VAT1L: variants seen among roughly 807,000 people sequenced by gnomAD.
VAT1L encodes the protein putative NADPH-dependent quinone oxidoreductase VAT1L.
A neutral mutation model predicts 44.1 loss-of-function variants in VAT1L; 34 were observed. The ratio of observed to expected loss-of-function variants is 0.77; its 90% CI spans 0.59 to 1.03. VAT1L has a LOEUF of 1.03. VAT1L is among the 50% of genes least tolerant of loss of function. VAT1L has a pLI of 0.00. For synonymous variants in VAT1L, 253 were observed against 202.2 expected, an observed-to-expected ratio of 1.25 and a Z score of -2.13; for missense variants, 615 against 538.8, an observed-to-expected ratio of 1.14 and a Z score of -1.40.
chr16:77,934,186 C>T (rs974690487), intron 7 of VAT1L, among the ~76,000 whole-genome samples: 1 of 151,834 alleles, frequency 6.6e-6, no homozygotes, highest in Admixed American at 6.6e-5. Context: ...GATGTTAAAC[C>T]AACCAGATTT....
At chr16:77,951,354 T>G (rs2018040156) in intron 7 of VAT1L, among the ~76,000 whole-genome samples, 1 of 150,708 alleles carries the variant, frequency 6.6e-6, no homozygotes. Context: ...GGGACCAGCC[T>G]GGGCAATATG....
chr16:77,906,003 G>A (rs74396974), intron 7 of VAT1L, among the ~76,000 whole-genome samples: 6,270 of 152,094 alleles, frequency 0.041, 198 homozygotes, highest in Non-Finnish European at 0.058. Context: ...CCTCACCATC[G>A]CTCATGAATT....
chr16:77,861,983 A>G (rs1296780268), intron 3 of VAT1L, among the ~76,000 whole-genome samples: 1 of 152,208 alleles, frequency 6.6e-6, no homozygotes, highest in African/African-American at 2.4e-5. Context: ...TTGTCCAGGT[A>G]AAATACCTAC....
At position 77,884,709 on chromosome 16, in the gene VAT1L, G is replaced by A. The variant is rs760620873; in HGVS notation, c.984G>A (p.Ala328=). The part of the protein sequence containing the change: ...LLNLLFKQGR[A]GLIRGVVEKL... ...ATCTGCTCTTCAAACAAGGCCGGGC[G>A]GGCCTCATTCGGGGAGTGGTGGAAA... Residue 328 remains alanine, a synonymous_variant, in exon 7 of 9, where the codon GCG becomes GCA. Coordinates refer to ENST00000302536, the MANE Select transcript of VAT1L (RefSeq NM_020927.3). The surrounding 1 kb of genome is among the most constrained non-coding windows in gnomAD (Gnocchi z 4.5). 3.2e-5 allele frequency: 52 copies of A among 1,610,684 alleles called. No individual in the cohort carries two copies. Among genetic ancestry groups the A allele is most frequent in the Admixed American group, 1.3e-4 (8 of 59,620 alleles).
chr16:77,931,058 C>T (rs1257002477), intron 7 of VAT1L, among the ~76,000 whole-genome samples: 1 of 152,168 alleles, frequency 6.6e-6, no homozygotes, highest in African/African-American at 2.4e-5. Flanking sequence ...TTCAAGAGTG[C>T]ACAGCCAGTC....
chr16:77,975,207 T>TTTTTTTA (rs2018324321), intron 8 of VAT1L, among the ~76,000 whole-genome samples: 1 of 127,554 alleles, frequency 7.8e-6, no homozygotes, highest in Non-Finnish European at 1.7e-5. Flanking sequence ...TTTTTTTTTT[T>TTTTTTTA]TTTTTTTTTT....
At chr16:77,891,256 A>G (rs2017262625) in intron 7 of VAT1L, among the ~76,000 whole-genome samples, 1 of 152,092 alleles carries the variant, frequency 6.6e-6, no homozygotes, top group African/African-American at 2.4e-5. Flanking sequence ...CGGGAGGCTG[A>G]GGCAGTAGAA....
At chr16:77,912,681 T>G (rs139011329) in intron 7 of VAT1L, among the ~76,000 whole-genome samples, 1 of 152,214 alleles carries the variant, frequency 6.6e-6, no homozygotes, top group Non-Finnish European at 1.5e-5. Flanking sequence ...GTAAAGTATC[T>G]CTTGACCTCA....
At chr16:77,908,335 G>A (rs976998835) in intron 7 of VAT1L, among the ~76,000 whole-genome samples, 5 of 151,614 alleles carry the variant, frequency 3.3e-5, no homozygotes, top group African/African-American at 1.2e-4. Flanking sequence ...GGTGGTGAGT[G>A]CCTGTAATCC....
At chr16:77,876,835 G>C (rs1597078572) in intron 5 of VAT1L, among the ~76,000 whole-genome samples, 1 of 152,182 alleles carries the variant, frequency 6.6e-6, no homozygotes, top group Non-Finnish European at 1.5e-5. Flanking sequence ...CCCACAGTAG[G>C]ATGGGGAAGA....
At chr16:77,816,620 C>T (rs1451344329) in intron 1 of VAT1L, among the ~76,000 whole-genome samples, 1 of 152,136 alleles carries the variant, frequency 6.6e-6, no homozygotes, top group African/African-American at 2.4e-5. Context: ...CATAAACAGG[C>T]TCTGAGAGAA....
Position 77,914,813 on chromosome 16 carries a change from A to G in VAT1L, c.1077+30011A>G, listed in dbSNP as rs1034348173. Among the ~76,000 whole-genome samples the G allele has an allele frequency of 2.6e-5, 4 of 152,348 alleles. No individual in the cohort carries two copies. The South Asian group carries it at 6.2e-4, about 24-fold the overall frequency. ...ATATCAGTCACATATCAGATTTAAT[A>G]ACACCAGATTGATTGGGTAAAGAGT... On this transcript the variant is annotated intron_variant, in intron 7 of 8. Coordinates refer to ENST00000302536, the MANE Select transcript of VAT1L (RefSeq NM_020927.3).
At chr16:77,838,990 T>C (rs1336131418) in intron 3 of VAT1L, among the ~76,000 whole-genome samples, 1 of 152,078 alleles carries the variant, frequency 6.6e-6, no homozygotes, top group Non-Finnish European at 1.5e-5. Flanking sequence ...TCTCATCCCA[T>C]ATTCCTGAAG....
At chr16:77,853,450 T>C (rs1048918849) in intron 3 of VAT1L, among the ~76,000 whole-genome samples, 2 of 152,228 alleles carry the variant, frequency 1.3e-5, no homozygotes, top group African/African-American at 2.4e-5. Flanking sequence ...TATAATTATA[T>C]ACGAATAGTC....
chr16:77,883,289 A>T (rs543452857), intron 6 of VAT1L, among the ~76,000 whole-genome samples: 1 of 152,174 alleles, frequency 6.6e-6, no homozygotes, highest in Non-Finnish European at 1.5e-5. Context: ...TTTCTAACCT[A>T]TAACCAGCAC....
intron 2 of VAT1L, 61 bp downstream of exon 2, chr16:77,817,111 G>T: frequency 6.4e-7 from 1 of 1,571,232 alleles, no homozygotes; most frequent in South Asian, 1.2e-5. Context: ...GACAACAAAA[G>T]ATGATGCAGA....
At chr16:77,883,616 CCG>C (rs1334712180) in intron 6 of VAT1L, among the ~76,000 whole-genome samples, 1 of 152,140 alleles carries the variant, frequency 6.6e-6, no homozygotes, top group African/African-American at 2.4e-5. Flanking sequence ...GCACCACCTC[CCG>C]CTTCAGTCAT....
At chr16:77,826,818 T>C (rs1250667392) in intron 3 of VAT1L, among the ~76,000 whole-genome samples, 2 of 152,190 alleles carry the variant, frequency 1.3e-5, no homozygotes, top group Admixed American at 6.5e-5. Flanking sequence ...TCCCCTATCT[T>C]AGAGGTTTTG....
chr16:77,908,862 C>G (rs935286090), intron 7 of VAT1L, among the ~76,000 whole-genome samples: 1 of 152,078 alleles, frequency 6.6e-6, no homozygotes, highest in East Asian at 1.9e-4. Flanking sequence ...TGCAGTGAAC[C>G]GAGATGGCGC....
Sources: allele counts gnomAD v4.1 joint callset (sites outside exome capture counted in the v4.1 genomes callset), GRCh38; gene constraint gnomAD v4.1.1; non-coding constraint Gnocchi (gnomAD v3.1); transcripts MANE v1.5; gene names NCBI Gene and HGNC (gene_info 2026-07-23, HGNC 2026-07-21).